The following KDM4C variants were observed in gnomAD, a reference collection of about 807,000 sequenced individuals.
KDM4C encodes lysine-specific demethylase 4C.
KDM4C carries 81 observed loss-of-function variants against 129.3 expected under a neutral mutation model. That is an observed-to-expected ratio of 0.63 (90% CI 0.52 to 0.75). KDM4C has a LOEUF of 0.75. KDM4C is among the 30% of genes least tolerant of loss of function. The pLI, the probability that KDM4C is intolerant of heterozygous loss-of-function variation, is 0.00. For synonymous variants in KDM4C, 573 were observed against 456.1 expected (o/e 1.26, Z -3.26); for missense variants, 1,457 against 1,304.0 (o/e 1.12, Z -1.81).
intron 1 of KDM4C, among the ~76,000 whole-genome samples, chr9:6,765,301 G>T (rs1820393522): frequency 6.6e-6 from 1 of 151,924 alleles, no homozygotes; most frequent in Non-Finnish European, 1.5e-5. Flanking sequence ...TTTTTTGCCT[G>T]ACTGATTTCT....
intron 1 of KDM4C, among the ~76,000 whole-genome samples, chr9:6,743,726 G>A (rs1163900358): frequency 6.6e-6 from 1 of 151,932 alleles, no homozygotes; most frequent in Non-Finnish European, 1.5e-5. Context: ...AGGCTGGTTT[G>A]GAACTCCTGG....
intron 8 of KDM4C, among the ~76,000 whole-genome samples, chr9:6,968,849 C>G (rs559069324): frequency 2.0e-5 from 3 of 152,034 alleles, no homozygotes; most frequent in African/African-American, 4.8e-5. Context: ...TTATATTGGG[C>G]TTTTACAATA....
chr9:6,888,072 G>C lies in KDM4C; in HGVS notation c.783+9G>C. 1.5e-6 allele frequency: 2 copies of C among 1,372,650 alleles called. No homozygotes were observed. The highest frequency in any genetic ancestry group is 2.4e-5 in the South Asian group (2 of 82,040). The allele number at this position is 1,372,650 out of a possible 1,614,324, so 85.0% of individuals were successfully genotyped here. On this transcript the variant is annotated intron_variant, in intron 7 of 21. Coordinates refer to ENST00000381309, the MANE Select transcript of KDM4C (RefSeq NM_015061.6). ...GTATTCCCTTTGACAAGGTATGTTAGTATTCATCTTACACAAATTAATTTT... is the reference window on the plus strand; with the variant it reads ...GTATTCCCTTTGACAAGGTATGTTACTATTCATCTTACACAAATTAATTTT...
intron 4 of KDM4C, 146 bp from the exon 5 acceptor site, chr9:6,849,361 A>C: frequency 1.7e-6 from 1 of 572,942 alleles, no homozygotes; most frequent in East Asian, 2.9e-5. Context: ...GTGGCTCTTG[A>C]ATAAGAGTTG....
At chr9:7,009,878 C>G (rs1231003021) in intron 12 of KDM4C, among the ~76,000 whole-genome samples, 2 of 151,992 alleles carry the variant, frequency 1.3e-5, no homozygotes, top group African/African-American at 2.4e-5. Context: ...TTCTCATAGA[C>G]TCAGAACAAT....
At chr9:6,807,957 C>A (rs1194841680) in intron 3 of KDM4C, among the ~76,000 whole-genome samples, 1 of 122,072 alleles carries the variant, frequency 8.2e-6, no homozygotes, top group Non-Finnish European at 1.8e-5. Context: ...GTCAGCCCCC[C>A]GCCCGGCCAG....
At chr9:6,837,106 G>A (rs962522702) in intron 4 of KDM4C, among the ~76,000 whole-genome samples, 9 of 152,130 alleles carry the variant, frequency 5.9e-5, no homozygotes, top group African/African-American at 2.2e-4. Context: ...CAACCAGGCT[G>A]GAGTGCAGTG....
At chr9:7,044,611 G>A (rs1322429989) in intron 15 of KDM4C, among the ~76,000 whole-genome samples, 1 of 151,910 alleles carries the variant, frequency 6.6e-6, no homozygotes, top group Non-Finnish European at 1.5e-5. Flanking sequence ...ATGGATGGTA[G>A]GCACCAATGA....
chr9:7,049,253 C>G (rs1264416502), intron 17 of KDM4C, 53 bp downstream of exon 17: 11 of 990,244 alleles, frequency 1.1e-5, no homozygotes, highest in Non-Finnish European at 1.6e-5. Flanking sequence ...ATTTCAAGTT[C>G]TGAATTTTTC....
At chr9:7,155,323 T>C (rs1843051957) in intron 19 of KDM4C, among the ~76,000 whole-genome samples, 1 of 152,176 alleles carries the variant, frequency 6.6e-6, no homozygotes. Context: ...TTAGACCTTT[T>C]GATATACTTA....
chr9:6,732,949 G>A (rs909120752), intron 1 of KDM4C, among the ~76,000 whole-genome samples: 2 of 152,024 alleles, frequency 1.3e-5, no homozygotes, highest in Non-Finnish European at 2.9e-5. Context: ...GGAGGTGGAG[G>A]TTGCAGTCAG....
intron 1 of KDM4C, among the ~76,000 whole-genome samples, chr9:6,766,362 CA>C (rs1478987929): frequency 6.6e-6 from 1 of 151,740 alleles, no homozygotes; most frequent in Non-Finnish European, 1.5e-5. Flanking sequence ...GATAATCGTA[CA>C]AAAAGCTATA....
intron 8 of KDM4C, among the ~76,000 whole-genome samples, chr9:6,915,345 C>G (rs970270349): frequency 1.2e-4 from 19 of 152,132 alleles, no homozygotes; most frequent in African/African-American, 4.6e-4. Context: ...CATAGTAAAG[C>G]ATTAGGTAAC....
At chr9:7,113,923 C>T (rs920000594) in intron 18 of KDM4C, among the ~76,000 whole-genome samples, 8 of 152,090 alleles carry the variant, frequency 5.3e-5, no homozygotes. Flanking sequence ...CAGGTTCCTG[C>T]TCTGCTTCTT....
rs1406344198 is a variant in KDM4C at position 6,984,283 on chromosome 9, G to T, written c.1233G>T (p.Lys411Asn). Reference protein sequence around the residue: ...PNPDSVTDDLKVSEKSEAAVK... With the variant: ...PNPDSVTDDLNVSEKSEAAVK... ...CCGACTCAGTCACAGATGACCTCAA[G>T]GTCAGTGAAAAGTCAGAAGCAGCAG... Residue 411 changes from lysine (K) to asparagine (N), a missense_variant, in exon 10 of 22, where the codon AAG becomes AAT. Transcript: ENST00000381309. 6.2e-7 allele frequency: 1 copy of T among 1,614,020 alleles called. No homozygotes were observed. The highest frequency in any genetic ancestry group is 8.5e-7 in the Non-Finnish European group (1 of 1,179,914).
intron 15 of KDM4C, among the ~76,000 whole-genome samples, chr9:7,019,909 C>T (rs939113264): frequency 2.0e-5 from 3 of 151,400 alleles, no homozygotes; most frequent in African/African-American, 7.3e-5. Context: ...GGAGGGTGTA[C>T]GCATGGCTGG....
At chr9:7,009,823 G>C (rs1486052129) in intron 12 of KDM4C, among the ~76,000 whole-genome samples, 30 of 152,090 alleles carry the variant, frequency 2.0e-4, no homozygotes, top group Admixed American at 2.0e-3. Flanking sequence ...TGAATTGTTT[G>C]ACTCTACTTA....
chr9:7,096,161 T>C (rs1313351325), intron 17 of KDM4C, among the ~76,000 whole-genome samples: 1 of 152,126 alleles, frequency 6.6e-6, no homozygotes, highest in East Asian at 1.9e-4. Context: ...ATGAGAGAAA[T>C]AAAAATGGTA....
At chr9:6,772,171 A>C (rs1821976991) in intron 1 of KDM4C, among the ~76,000 whole-genome samples, 1 of 151,816 alleles carries the variant, frequency 6.6e-6, no homozygotes, top group Non-Finnish European at 1.5e-5. Context: ...TTTTTTTGAG[A>C]CAGAGTCTCA....
Sources: allele counts gnomAD v4.1 joint callset (sites outside exome capture counted in the v4.1 genomes callset), GRCh38; gene constraint gnomAD v4.1.1; transcripts MANE v1.5; gene names NCBI Gene and HGNC (gene_info 2026-07-23, HGNC 2026-07-21).